KCNK1: variants seen among roughly 807,000 people sequenced by gnomAD.
KCNK1 encodes the protein potassium two pore domain channel subfamily K member 1, also known as potassium channel subfamily K member 1.
A neutral mutation model predicts 22.2 loss-of-function variants in KCNK1; 10 were observed. The observed-to-expected ratio is 0.45, with a 90% CI of 0.28 to 0.76. The LOEUF (loss-of-function observed/expected upper bound fraction) is 0.76. Ranked by LOEUF, KCNK1 falls within the 30% of genes least tolerant of loss-of-function variation. The probability of loss-of-function intolerance (pLI) is 0.14; values close to 1 mark genes in which losing one functional copy is unlikely to be tolerated. For missense variants in KCNK1, 378 were observed against 421.0 expected (o/e 0.90, Z 0.89); for synonymous variants, 200 against 186.4 (o/e 1.07, Z -0.60).
At chr1:233,630,313 C>T (rs1657769457) in intron 1 of KCNK1, among the ~76,000 whole-genome samples, 1 of 152,240 alleles carries the variant, frequency 6.6e-6, no homozygotes, top group Non-Finnish European at 1.5e-5. Context: ...AACTTCAGTT[C>T]AGTTCCTACG....
intron 1 of KCNK1, among the ~76,000 whole-genome samples, chr1:233,617,096 C>G (rs1161602130): frequency 6.6e-6 from 1 of 151,738 alleles, no homozygotes; most frequent in Non-Finnish European, 1.5e-5. Context: ...AGGCAAATCA[C>G]TGAGATAATT....
chr1:233,646,595 G>A (rs1457218551), intron 1 of KCNK1, among the ~76,000 whole-genome samples: 2 of 151,942 alleles, frequency 1.3e-5, no homozygotes, highest in African/African-American at 4.8e-5. Context: ...AGGAAAAGCC[G>A]AGTGCAGGGA....
chr1:233,627,345 C>G (rs2102885910), intron 1 of KCNK1, among the ~76,000 whole-genome samples: 1 of 152,322 alleles, frequency 6.6e-6, no homozygotes, highest in African/African-American at 2.4e-5. Flanking sequence ...ATGGTTGTAA[C>G]TCACATTCTT....
At chr1:233,621,594 G>T (rs1657587748) in intron 1 of KCNK1, among the ~76,000 whole-genome samples, 1 of 152,120 alleles carries the variant, frequency 6.6e-6, no homozygotes, top group Non-Finnish European at 1.5e-5. Context: ...ACTTAAGAAG[G>T]CAGGGAAGTG....
intron 1 of KCNK1, among the ~76,000 whole-genome samples, chr1:233,649,768 C>G (rs1658166342): frequency 6.6e-6 from 1 of 152,186 alleles, no homozygotes; most frequent in African/African-American, 2.4e-5. Context: ...CCTTTTAATA[C>G]TATTGCATTG....
At chr1:233,623,673 C>T (rs701211) in intron 1 of KCNK1, among the ~76,000 whole-genome samples, 18,250 of 152,240 alleles carry the variant, frequency 0.12, 1,220 homozygotes, top group African/African-American at 0.16. Flanking sequence ...GCTGCAACCT[C>T]CACCTCCCAG....
intron 1 of KCNK1, among the ~76,000 whole-genome samples, chr1:233,633,950 CAT>C (rs554791682): frequency 2.8e-4 from 42 of 152,208 alleles, no homozygotes; most frequent in South Asian, 1.7e-3. Context: ...ATTGTGAAGA[CAT>C]GTGCTTGGCA....
intron 1 of KCNK1, among the ~76,000 whole-genome samples, chr1:233,648,276 T>C (rs745431740): frequency 3.3e-5 from 5 of 152,188 alleles, no homozygotes; most frequent in Non-Finnish European, 7.3e-5. Context: ...CCTATGTCCA[T>C]ATTTCCAAGC....
chr1:233,670,806 A>G (rs1036484897), intron 2 of KCNK1, among the ~76,000 whole-genome samples: 17 of 152,222 alleles, frequency 1.1e-4, no homozygotes, highest in Admixed American at 6.5e-5. Flanking sequence ...TCTATAATAG[A>G]AATTGTAAGA....
chr1:233,652,401 G>GC (rs1206105953), intron 1 of KCNK1, among the ~76,000 whole-genome samples: 2 of 152,084 alleles, frequency 1.3e-5, no homozygotes, highest in Non-Finnish European at 2.9e-5. Context: ...TTCAAATCCT[G>GC]CCCCCATCAT....
At chr1:233,630,688 C>T (rs535983044) in intron 1 of KCNK1, 13 of 152,420 alleles carry the variant, frequency 8.5e-5, no homozygotes, top group African/African-American at 3.1e-4. Context: ...CTTCTTGTTA[C>T]TTTATTTAGA....
intron 1 of KCNK1, among the ~76,000 whole-genome samples, chr1:233,643,538 A>G (rs1276941021): frequency 6.6e-6 from 1 of 152,098 alleles, no homozygotes; most frequent in East Asian, 1.9e-4. Flanking sequence ...GCTTCTCTTT[A>G]TCTTATCCTC....
chr1:233,619,113 G>T (rs1336660643), intron 1 of KCNK1, among the ~76,000 whole-genome samples: 1 of 152,028 alleles, frequency 6.6e-6, no homozygotes, highest in Non-Finnish European at 1.5e-5. Flanking sequence ...TAACTCCTGG[G>T]CTTAGTTGAT....
chr1:233,631,508 A>G, intron 1 of KCNK1: 1 of 341,296 alleles, frequency 2.9e-6, no homozygotes, highest in South Asian at 2.3e-5. Context: ...CCATTAATCT[A>G]ACTGAATTTC....
At chr1:233,625,653 T>C (rs181405200) in intron 1 of KCNK1, among the ~76,000 whole-genome samples, 2 of 152,242 alleles carry the variant, frequency 1.3e-5, no homozygotes, top group African/African-American at 4.8e-5. Flanking sequence ...GGAACAACAA[T>C]GCAGAGCAAA....
At chr1:233,665,615 G>A (rs1318125158) in intron 1 of KCNK1, among the ~76,000 whole-genome samples, 2 of 152,222 alleles carry the variant, frequency 1.3e-5, no homozygotes, top group Non-Finnish European at 2.9e-5. Flanking sequence ...GAGCAACAAA[G>A]ACCCAAAGAA....
At chr1:233,637,552 A>G (rs927803756) in intron 1 of KCNK1, 1 of 152,250 alleles carries the variant, frequency 6.6e-6, no homozygotes, top group South Asian at 2.1e-4. Flanking sequence ...AGCTCCTTCA[A>G]ATTAAAATTT....
chr1:233,617,251 A>G (rs977557343), intron 1 of KCNK1, among the ~76,000 whole-genome samples: 1 of 152,202 alleles, frequency 6.6e-6, no homozygotes, highest in South Asian at 2.1e-4. Context: ...CCCAGAATGT[A>G]CAAACTTCCG....
At chr1:233,641,243 T>C (rs1657995086) in intron 1 of KCNK1, among the ~76,000 whole-genome samples, 1 of 152,192 alleles carries the variant, frequency 6.6e-6, no homozygotes, top group Non-Finnish European at 1.5e-5. Flanking sequence ...CAATGAAGAA[T>C]CTTCAGCCAG....
Sources: gnomAD v4.1 joint callset for allele counts (sites outside exome capture counted in the v4.1 genomes callset) on GRCh38, gnomAD v4.1.1 for gene constraint, MANE v1.5 for transcripts, NCBI Gene and HGNC (gene_info 2026-07-23, HGNC 2026-07-21) for gene names.